The following GLRA1 variants were observed in gnomAD, a reference collection of about 807,000 sequenced individuals.
GLRA1 encodes glycine receptor subunit alpha-1.
Under a neutral mutation model 48.3 loss-of-function variants are expected in GLRA1, and 37 were observed. That is an observed-to-expected ratio of 0.77 (90% confidence interval 0.59 to 1.01). The LOEUF (loss-of-function observed/expected upper bound fraction) is 1.01, where lower values mean the gene tolerates loss of function less well. Ranked by LOEUF, GLRA1 falls within the 50% of genes least tolerant of loss-of-function variation. The probability of loss-of-function intolerance (pLI) is 0.00; values close to 1 mark genes in which losing one functional copy is unlikely to be tolerated. For missense variants in GLRA1, 427 were observed against 571.0 expected, an observed-to-expected ratio of 0.75 and a Z score of 2.57; for synonymous variants, 196 against 210.7, an observed-to-expected ratio of 0.93 and a Z score of 0.60.
chr5:151,832,109 A>G (rs771337063), intron 7 of GLRA1, among the ~76,000 whole-genome samples: 7 of 152,228 alleles, frequency 4.6e-5, no homozygotes, highest in Non-Finnish European at 1.0e-4. Flanking sequence ...GTCAAAATCA[A>G]CAAAAAGGAC....
intron 8 of GLRA1, among the ~76,000 whole-genome samples, chr5:151,828,283 T>C (rs938337092): frequency 2.6e-5 from 4 of 152,342 alleles, no homozygotes; most frequent in African/African-American, 9.6e-5. Context: ...GAACTAGTTA[T>C]GGACCCACGG....
chr5:151,844,553 G>T (rs796899899), intron 7 of GLRA1, among the ~76,000 whole-genome samples: 1 of 145,184 alleles, frequency 6.9e-6, no homozygotes, highest in Non-Finnish European at 1.5e-5. Context: ...ACCTGGGAGG[G>T]AGAGGTTACG....
chr5:151,823,411 T>A (rs912415760), intron 8 of GLRA1, among the ~76,000 whole-genome samples: 1 of 152,232 alleles, frequency 6.6e-6, no homozygotes, highest in Non-Finnish European at 1.5e-5. Context: ...TAGTTAGAAA[T>A]TCAGAGGACA....
In GLRA1 at chr5:151,859,941, G is replaced by C. The variant is rs1237940101; in HGVS notation, c.320C>G (p.Pro107Arg). ...NDPRLAYNEY[P>R]DDSLDLDPSM... is the part of the protein sequence containing the mutation. ...TGGGTCCAGGTCCAGAGAGTCGTCA[G>C]GGTATTCATTATAGGCCAGGCGGGG... Residue 107 changes from proline to arginine, a missense_variant, in exon 4 of 9, where the codon CCT becomes CGT. Coordinates refer to ENST00000274576, the MANE Select transcript of GLRA1 (RefSeq NM_000171.4). The C allele has an allele frequency of 1.9e-6, 3 of 1,614,162 alleles. No homozygotes were observed. The Admixed American group carries it at 5.0e-5, about 27-fold the overall frequency.
chr5:151,860,593 G>T (rs912022795), intron 3 of GLRA1, among the ~76,000 whole-genome samples: 1 of 152,166 alleles, frequency 6.6e-6, no homozygotes, highest in Non-Finnish European at 1.5e-5. Context: ...GAAGAATTCT[G>T]TAGTGTTCCT....
chr5:151,839,745 A>G (rs982918737), intron 7 of GLRA1, among the ~76,000 whole-genome samples: 7 of 152,170 alleles, frequency 4.6e-5, no homozygotes, highest in African/African-American at 1.7e-4. Context: ...AAGAAGAGAT[A>G]CCAGAACTCT....
chr5:151,921,003 A>G (rs1754860757), intron 1 of GLRA1, among the ~76,000 whole-genome samples: 1 of 152,216 alleles, frequency 6.6e-6, no homozygotes, highest in African/African-American at 2.4e-5. Flanking sequence ...TTTTGATCCT[A>G]ATGTGGATAG....
intron 7 of GLRA1, among the ~76,000 whole-genome samples, chr5:151,847,822 A>C (rs994743171): frequency 2.6e-5 from 4 of 152,200 alleles, no homozygotes; most frequent in Admixed American, 2.0e-4. Context: ...GACTGAAAGA[A>C]AAATAGTGCC....
chr5:151,922,435 T>C (rs1187099722), intron 1 of GLRA1, among the ~76,000 whole-genome samples: 1 of 152,256 alleles, frequency 6.6e-6, no homozygotes, highest in African/African-American at 2.4e-5. Flanking sequence ...CTGAGTTCAA[T>C]TATTGTCTGT....
Position 151,884,304 on chromosome 5 carries a change from C to T in GLRA1, c.252+2417G>A, listed in dbSNP as rs1373557663. On this transcript the variant is annotated intron_variant, in intron 3 of 8. Coordinates refer to ENST00000274576, the MANE Select transcript of GLRA1 (RefSeq NM_000171.4). ...ATTAGCTGGGCCTGGTGGTGCATGT[C>T]TGTAATCCCAGCTACTCGGGAGGCT... 2.0e-5 allele frequency among the ~76,000 whole-genome samples: 3 copies of T among 152,222 alleles called. No individual in the cohort carries two copies. In the East Asian group the frequency reaches 5.8e-4, roughly 29 times the overall value.
intron 7 of GLRA1, chr5:151,849,028 C>T (rs903708463): frequency 6.5e-6 from 4 of 615,046 alleles, no homozygotes; most frequent in Non-Finnish European, 1.2e-5. Flanking sequence ...AGACTCTGGA[C>T]AGTGAGCCCA....
intron 7 of GLRA1, among the ~76,000 whole-genome samples, chr5:151,837,204 T>C (rs1763600850): frequency 6.6e-6 from 1 of 152,122 alleles, no homozygotes; most frequent in Non-Finnish European, 1.5e-5. Flanking sequence ...AACAAACATA[T>C]GAAAACAAGC....
chr5:151,899,130 T>C (rs764399626), intron 1 of GLRA1, among the ~76,000 whole-genome samples: 2 of 152,214 alleles, frequency 1.3e-5, no homozygotes, highest in Non-Finnish European at 2.9e-5. Context: ...CATGTAGTAG[T>C]AATTAAAAAT....
chr5:151,835,027 C>CAAAAAAAAA (rs60718344), intron 7 of GLRA1, among the ~76,000 whole-genome samples: 62 of 52,500 alleles, frequency 1.2e-3, no homozygotes, highest in Admixed American at 1.8e-3. Flanking sequence ...GACAACATCT[C>CAAAAAAAAA]AAAAAAAAAA....
At chr5:151,842,778 A>G (rs1020859805) in intron 7 of GLRA1, among the ~76,000 whole-genome samples, 4 of 152,156 alleles carry the variant, frequency 2.6e-5, no homozygotes, top group African/African-American at 9.7e-5. Flanking sequence ...AATAAATGAC[A>G]TCTAGGTGAG....
chr5:151,845,250 AG>A (rs1752642654), intron 7 of GLRA1, among the ~76,000 whole-genome samples: 1 of 152,188 alleles, frequency 6.6e-6, no homozygotes, highest in Admixed American at 6.5e-5. Flanking sequence ...TTTTAATACA[AG>A]GTTTGGAAGG....
chr5:151,908,791 C>G (rs1435007302), intron 1 of GLRA1, among the ~76,000 whole-genome samples: 1 of 152,146 alleles, frequency 6.6e-6, no homozygotes, highest in Non-Finnish European at 1.5e-5. Context: ...AGTGTGTTGT[C>G]AAGTTCTTCC....
chr5:151,851,423 G>C lies in GLRA1; in HGVS notation c.879C>G (p.Thr293=). 6.2e-7 allele frequency: 1 copy of C among 1,613,818 alleles called. No homozygotes were observed. Residue 293 remains threonine (T), a synonymous_variant, in exon 7 of 9, where the codon ACC becomes ACG. Coordinates refer to ENST00000274576, the MANE Select transcript of GLRA1 (RefSeq NM_000171.4). The part of the protein sequence containing the change: ...LGITTVLTMT[T]QSSGSRASLP... ...GAGATGCTCGAGAGCCGGAGCTCTG[G>C]GTGGTCATGGTGAGCACAGTGGTGA...
At chr5:151,849,944 A>G (rs1752856359) in intron 7 of GLRA1, 1 of 1,570,984 alleles carries the variant, frequency 6.4e-7, no homozygotes, top group Admixed American at 1.7e-5. Context: ...GGATACCTTC[A>G]GTAAGGACCC....
Sources: allele counts gnomAD v4.1 joint callset (sites outside exome capture counted in the v4.1 genomes callset), GRCh38; gene constraint gnomAD v4.1.1; transcripts MANE v1.5; gene names NCBI Gene and HGNC (gene_info 2026-07-23, HGNC 2026-07-21).